PRKCH: variants seen among roughly 807,000 people sequenced by gnomAD.
The protein encoded by PRKCH is protein kinase C eta type.
A neutral mutation model predicts 82.5 loss-of-function variants in PRKCH; 28 were observed. The observed-to-expected ratio is 0.34, with a 90% CI of 0.25 to 0.47. The LOEUF is 0.47. Among genes scored for constraint, PRKCH ranks in the 20% least tolerant of loss-of-function variants. PRKCH has a pLI of 1.00. For synonymous variants in PRKCH, 322 were observed against 327.4 expected (o/e 0.98, Z 0.18); for missense variants, 705 against 881.8 (o/e 0.80, Z 2.54).
intron 2 of PRKCH, among the ~76,000 whole-genome samples, chr14:61,413,340 C>A (rs1376023405): frequency 6.6e-6 from 1 of 151,410 alleles, no homozygotes; most frequent in Non-Finnish European, 1.5e-5. Flanking sequence ...TGGTCCCCAG[C>A]ACCCCAGCTC....
At chr14:61,229,251 T>C (rs184961372) in intron 1 of PRKCH, among the ~76,000 whole-genome samples, 3 of 152,320 alleles carry the variant, frequency 2.0e-5, no homozygotes, top group Admixed American at 2.0e-4. Context: ...AGTATTGATA[T>C]ACAAGGCAGT....
chr14:61,207,830 A>C (rs575891088), intron 1 of PRKCH, among the ~76,000 whole-genome samples: 1 of 152,314 alleles, frequency 6.6e-6, no homozygotes, highest in African/African-American at 2.4e-5. Flanking sequence ...CAGAATTCAA[A>C]TTCAGTGGTG....
At chr14:61,268,041 T>C (rs964355337) in intron 1 of PRKCH, among the ~76,000 whole-genome samples, 2 of 152,220 alleles carry the variant, frequency 1.3e-5, no homozygotes, top group African/African-American at 4.8e-5. Flanking sequence ...AATTCCTTCA[T>C]GTTCAGAGTC....
chr14:61,369,319 G>A (rs909614637), intron 1 of PRKCH, among the ~76,000 whole-genome samples: 1 of 152,040 alleles, frequency 6.6e-6, no homozygotes, highest in Non-Finnish European at 1.5e-5. Flanking sequence ...TGCTGGTCTT[G>A]GGGATCACAC....
In PRKCH at chr14:61,272,344, C is replaced by CTT. The variant is rs1162331604; in HGVS notation, c.-19+84702_-19+84703dup. 7.1e-3 allele frequency among the ~76,000 whole-genome samples: 167 copies of CTT among 23,600 alleles called. 2 individuals are homozygous for CTT. Among genetic ancestry groups the CTT allele is most frequent in the African/African-American group, 0.01 (81 of 7,844 alleles). The allele number at this position is 23,600 out of a possible 152,430, so 15.5% of individuals were successfully genotyped here. A position where few individuals can be genotyped will look rare whatever the true frequency, so the allele number is the denominator to read the frequency against. ...TTTCTTTTTCTTTTCTTTTTTCTTT[C>CTT]TTTTTTTTTTTTTTTTTTTTTTTTT... On this transcript the variant is annotated intron_variant, in intron 1 of 3. Transcript: ENST00000555185.
chr14:61,500,942 A>G (rs142097893), intron 10 of PRKCH, among the ~76,000 whole-genome samples: 19 of 152,298 alleles, frequency 1.2e-4, no homozygotes, highest in Admixed American at 6.5e-4. Context: ...CCACAGACTC[A>G]GGTTGATTGC....
chr14:61,266,889 G>A (rs2045107778), intron 1 of PRKCH, among the ~76,000 whole-genome samples: 1 of 152,058 alleles, frequency 6.6e-6, no homozygotes, highest in South Asian at 2.1e-4. Context: ...TGGGTGATGG[G>A]AAACAAGAAA....
intron 13 of PRKCH, among the ~76,000 whole-genome samples, chr14:61,548,264 T>G (rs927184619): frequency 2.6e-5 from 4 of 152,034 alleles, no homozygotes; most frequent in South Asian, 2.1e-4. Flanking sequence ...TTTGTGCCTT[T>G]TCTAAGCCCC....
chr14:61,353,935 T>C (rs1469581666), intron 1 of PRKCH: 1 of 151,984 alleles, frequency 6.6e-6, no homozygotes, highest in Non-Finnish European at 1.5e-5. Context: ...AGACCCTACC[T>C]CTGAAAAAAT....
intron 1 of PRKCH, among the ~76,000 whole-genome samples, chr14:61,272,913 G>C (rs1007736659): frequency 2.6e-5 from 4 of 152,122 alleles, no homozygotes; most frequent in African/African-American, 9.7e-5. Flanking sequence ...TCCACAGCCT[G>C]CTTTACTGGC....
chr14:61,539,701 CT>C (rs112037904), intron 12 of PRKCH, among the ~76,000 whole-genome samples: 309 of 147,014 alleles, frequency 2.1e-3, no homozygotes, highest in East Asian at 8.6e-3. Flanking sequence ...AAAATGCCAG[CT>C]TTTTTTTTTT....
intron 10 of PRKCH, among the ~76,000 whole-genome samples, chr14:61,511,625 C>T (rs1018445313): frequency 6.6e-6 from 1 of 152,216 alleles, no homozygotes. Flanking sequence ...ACAGCCTCCC[C>T]GATGTGTGCC....
Position 61,418,487 on chromosome 14 carries a change from C to G in PRKCH, c.428-24624C>G, listed in dbSNP as rs117760260. 9.7e-3 allele frequency among the ~76,000 whole-genome samples: 1,478 copies of G among 152,304 alleles called. 11 individuals are homozygous for G. The highest frequency in any genetic ancestry group is 0.016 in the Non-Finnish European group (1,074 of 68,028). On this transcript the variant is annotated intron_variant, in intron 2 of 13. Coordinates refer to ENST00000332981, the MANE Select transcript of PRKCH (RefSeq NM_006255.5). ...AGGATGGGATGGAAGATAAAGTGGA[C>G]TTAGAGAGATGTATCGTGTGGCTCT...
intron 2 of PRKCH, among the ~76,000 whole-genome samples, chr14:61,405,749 C>G (rs10136624): frequency 6.6e-6 from 1 of 152,068 alleles, no homozygotes. Context: ...AGTGATAGAT[C>G]TCTACTAAAT....
chr14:61,410,562 C>T (rs965547965), intron 2 of PRKCH, among the ~76,000 whole-genome samples: 2 of 152,128 alleles, frequency 1.3e-5, no homozygotes, highest in Admixed American at 6.5e-5. Context: ...AGTCTAACTG[C>T]GTATTTGCTT....
intron 1 of PRKCH, among the ~76,000 whole-genome samples, chr14:61,192,137 G>A (rs2044410730): frequency 6.6e-6 from 1 of 152,062 alleles, no homozygotes; most frequent in South Asian, 2.1e-4. Context: ...AAGGTTTTAA[G>A]CAGTAGATGA....
intron 10 of PRKCH, among the ~76,000 whole-genome samples, chr14:61,502,821 C>A (rs1452032274): frequency 6.6e-6 from 1 of 152,050 alleles, no homozygotes; most frequent in Admixed American, 6.5e-5. Flanking sequence ...TTGCCTTTCC[C>A]AAGTTCACCG....
At position 61,351,614 on chromosome 14, in the gene PRKCH, G is replaced by A. The variant is rs1032201877; in HGVS notation, c.363+29150G>A. Among the ~76,000 whole-genome samples, 8 of 152,256 alleles carry A rather than the reference G, an allele frequency of 5.3e-5. No homozygotes were observed. The South Asian group carries it at 8.3e-4, about 16-fold the overall frequency. The stretch of plus-strand genomic sequence containing the variant: ...AAGTGGTGTTCGGAGGCACAGTGAC[G>A]ATTCGAGAGATTCTGGAGGACGCAT... On this transcript the variant is annotated intron_variant, in intron 1 of 13. Coordinates refer to ENST00000332981, the MANE Select transcript of PRKCH (RefSeq NM_006255.5).
At chr14:61,455,583 C>T (rs1006308765) in intron 7 of PRKCH, among the ~76,000 whole-genome samples, 2 of 152,014 alleles carry the variant, frequency 1.3e-5, no homozygotes, top group Admixed American at 6.5e-5. Context: ...GACAGTTATC[C>T]CTGAAGAGCA....
Sources: allele counts gnomAD v4.1 joint callset (sites outside exome capture counted in the v4.1 genomes callset), GRCh38; gene constraint gnomAD v4.1.1; transcripts MANE v1.5; gene names NCBI Gene and HGNC (gene_info 2026-07-23, HGNC 2026-07-21).